Variants in CDH12 observed in about 807,000 individuals in gnomAD.
CDH12 encodes cadherin-12.
In CDH12, 41 loss-of-function variants were observed where a neutral mutation model predicts 74.1. That is an observed-to-expected ratio of 0.55 (90% CI 0.43 to 0.72). CDH12 has a LOEUF of 0.72. Among genes scored for constraint, CDH12 ranks in the 30% least tolerant of loss-of-function variants. The pLI, the probability that CDH12 is intolerant of heterozygous loss-of-function variation, is 0.00. For missense variants in CDH12, 945 were observed against 977.2 expected, an observed-to-expected ratio of 0.97 and a Z score of 0.44; for synonymous variants, 399 against 355.0, an observed-to-expected ratio of 1.12 and a Z score of -1.39.
At chr5:22,086,302 T>C (rs1743063349) in intron 4 of CDH12, among the ~76,000 whole-genome samples, 1 of 151,916 alleles carries the variant, frequency 6.6e-6, no homozygotes, top group Non-Finnish European at 1.5e-5. Flanking sequence ...GAAGCCAAAA[T>C]ATGCTATTTG....
chr5:21,898,638 G>C (rs1207390631), intron 6 of CDH12, among the ~76,000 whole-genome samples: 1 of 152,000 alleles, frequency 6.6e-6, no homozygotes, highest in Non-Finnish European at 1.5e-5. Context: ...GGAGGCTGAG[G>C]TTGAAATGAG....
intron 3 of CDH12, among the ~76,000 whole-genome samples, chr5:22,400,544 C>T (rs768409448): frequency 6.6e-6 from 1 of 151,952 alleles, no homozygotes; most frequent in Non-Finnish European, 1.5e-5. Context: ...GATCCACCCA[C>T]CTTGACCTCC....
chr5:22,300,258 A>G (rs1211618312), intron 3 of CDH12, among the ~76,000 whole-genome samples: 1 of 152,198 alleles, frequency 6.6e-6, no homozygotes, highest in East Asian at 1.9e-4. Context: ...TCGGCTTTGT[A>G]AAAGCTACAG....
At position 21,784,540 on chromosome 5, in the gene CDH12, T is replaced by C. The variant is rs183335415; in HGVS notation, c.1257-1046A>G. On this transcript the variant is annotated intron_variant, in intron 10 of 14. Transcript: ENST00000382254. ...CCCATATAATTATTATTACACAGTC[T>C]TACCAATTTTAAATATAACATTTTA... Among the ~76,000 whole-genome samples the C allele has an allele frequency of 1.1e-3, 162 of 152,296 alleles. 1 individual carries two copies. Among genetic ancestry groups the C allele is most frequent in the African/African-American group, 3.6e-3 (148 of 41,574 alleles).
intron 1 of CDH12, among the ~76,000 whole-genome samples, chr5:22,827,342 C>A (rs560753053): frequency 6.6e-6 from 1 of 152,338 alleles, no homozygotes; most frequent in South Asian, 2.1e-4. Context: ...TGGCATTAAT[C>A]TTTGTTGTAA....
At chr5:21,787,669 A>G (rs1746271175) in intron 10 of CDH12, among the ~76,000 whole-genome samples, 1 of 152,208 alleles carries the variant, frequency 6.6e-6, no homozygotes, top group African/African-American at 2.4e-5. Context: ...ATTAGAATAA[A>G]GTATGAGCCA....
intron 1 of CDH12, among the ~76,000 whole-genome samples, chr5:22,529,232 A>G (rs1737474076): frequency 6.7e-6 from 1 of 149,830 alleles, no homozygotes; most frequent in Non-Finnish European, 1.5e-5. Flanking sequence ...GAGAAGAGAG[A>G]GAGAGAGATT....
At chr5:21,914,008 A>C (rs937522669) in intron 6 of CDH12, among the ~76,000 whole-genome samples, 3 of 152,146 alleles carry the variant, frequency 2.0e-5, no homozygotes, top group Non-Finnish European at 4.4e-5. Context: ...GAAAGTATAG[A>C]TTCTCAGTGT....
In CDH12 at chr5:21,955,529, T is replaced by C. The variant is rs571422110; in HGVS notation, c.526+19562A>G. Reference sequence around the variant, plus strand: ...AATTTTAATGAGTGATCAAACCAAATTTGAAGAGAAAAGAAGAACCCAGAG... The same window carrying C: ...AATTTTAATGAGTGATCAAACCAAACTTGAAGAGAAAAGAAGAACCCAGAG... On this transcript the variant is annotated intron_variant, in intron 6 of 14. Transcript: ENST00000382254. Among the ~76,000 whole-genome samples the C allele has an allele frequency of 1.4e-3, 208 of 152,096 alleles. 1 individual carries two copies. The Middle Eastern group carries it at 0.041, about 30-fold the overall frequency.
chr5:22,159,600 A>G (rs1178730324), intron 4 of CDH12, among the ~76,000 whole-genome samples: 2 of 152,126 alleles, frequency 1.3e-5, no homozygotes, highest in Non-Finnish European at 2.9e-5. Flanking sequence ...CACCAAATAA[A>G]ATTTTTCATC....
chr5:22,622,787 T>C (rs988635572), intron 1 of CDH12, among the ~76,000 whole-genome samples: 1 of 152,072 alleles, frequency 6.6e-6, no homozygotes, highest in Non-Finnish European at 1.5e-5. Context: ...TTCCGATCAA[T>C]AGAAAAGAGG....
intron 6 of CDH12, among the ~76,000 whole-genome samples, chr5:21,892,997 A>G (rs1389638889): frequency 1.3e-5 from 2 of 152,164 alleles, no homozygotes; most frequent in African/African-American, 2.4e-5. Flanking sequence ...CTCTTGATAG[A>G]AGGATTTAGT....
intron 11 of CDH12, among the ~76,000 whole-genome samples, chr5:21,775,589 C>G (rs959479610): frequency 1.3e-5 from 2 of 152,054 alleles, no homozygotes; most frequent in African/African-American, 2.4e-5. Flanking sequence ...CATAGCTATG[C>G]CTTTGCTTAA....
Position 22,782,500 on chromosome 5 carries a change from T to A in CDH12, c.-523+70558A>T, listed in dbSNP as rs1747433435. ...TTTTGCTTTCCGTCATAATTGTAAG[T>A]TTCCTGAGGCCTTCCCAGCCATGCA... On this transcript the variant is annotated intron_variant, in intron 1 of 14. Coordinates refer to ENST00000382254, the MANE Select transcript of CDH12 (RefSeq NM_004061.5). 2.0e-5 allele frequency among the ~76,000 whole-genome samples: 3 copies of A among 152,262 alleles called. No homozygotes were observed. In the Middle Eastern group the frequency reaches 0.01, roughly 518 times the overall value.
intron 6 of CDH12, among the ~76,000 whole-genome samples, chr5:21,942,089 C>T (rs1331295216): frequency 2.6e-5 from 4 of 151,856 alleles, no homozygotes; most frequent in African/African-American, 9.7e-5. Flanking sequence ...TGAGAAGATG[C>T]CTTCGAGTTA....
intron 8 of CDH12, among the ~76,000 whole-genome samples, chr5:21,817,660 A>G (rs1748135597): frequency 6.6e-6 from 1 of 152,032 alleles, no homozygotes; most frequent in African/African-American, 2.4e-5. Flanking sequence ...AATAATTTGT[A>G]TAATCAAAAT....
intron 6 of CDH12, chr5:21,889,477 C>T (rs187678834): frequency 2.0e-5 from 12 of 597,358 alleles, no homozygotes; most frequent in Non-Finnish European, 2.1e-5. Context: ...CAGACATTGC[C>T]TTTGTGGGGC....
chr5:22,030,751 C>A (rs773784178), intron 5 of CDH12, among the ~76,000 whole-genome samples: 1 of 152,160 alleles, frequency 6.6e-6, no homozygotes, highest in Admixed American at 6.6e-5. Flanking sequence ...TCCAAGATAG[C>A]CTCTTCTTCC....
At chr5:22,397,215 G>C (rs1326317031) in intron 3 of CDH12, among the ~76,000 whole-genome samples, 1 of 151,992 alleles carries the variant, frequency 6.6e-6, no homozygotes, top group Non-Finnish European at 1.5e-5. Context: ...TCATGGCAAA[G>C]TCTCTTTCTC....
Sources: gnomAD v4.1 joint callset for allele counts (sites outside exome capture counted in the v4.1 genomes callset) on GRCh38, gnomAD v4.1.1 for gene constraint, MANE v1.5 for transcripts, NCBI Gene and HGNC (gene_info 2026-07-23, HGNC 2026-07-21) for gene names.